GNG2: variants seen among roughly 807,000 people sequenced by gnomAD.
The protein encoded by GNG2 is G protein subunit gamma 2, also known as guanine nucleotide-binding protein G(I)/G(S)/G(O) subunit gamma-2.
In GNG2, 5 loss-of-function variants were observed where a neutral mutation model predicts 5.5. The observed-to-expected ratio is 0.91, with a 90% confidence interval of 0.48 to 1.92. The LOEUF (loss-of-function observed/expected upper bound fraction) is 1.92. Among genes scored for constraint, GNG2 ranks in the 30% most tolerant of loss-of-function variants. The probability of loss-of-function intolerance (pLI) is 0.01; values close to 1 mark genes in which losing one functional copy is unlikely to be tolerated. For missense variants in GNG2, 55 were observed against 88.4 expected, an observed-to-expected ratio of 0.62 and a Z score of 1.52; for synonymous variants, 28 against 32.0, an observed-to-expected ratio of 0.88 and a Z score of 0.42.
At chr14:51,918,540 A>G (rs1886796836) in intron 2 of GNG2, 1 of 152,240 alleles carries the variant, frequency 6.6e-6, no homozygotes, top group Admixed American at 6.5e-5. Context: ...TCCATGAGAG[A>G]ATACTTGCCT....
At chr14:51,939,370 A>C (rs1888188060) in intron 2 of GNG2, among the ~76,000 whole-genome samples, 1 of 152,220 alleles carries the variant, frequency 6.6e-6, no homozygotes, top group Admixed American at 6.5e-5. Flanking sequence ...GGGTTGTTAG[A>C]AACAGCTAAC....
intron 2 of GNG2, among the ~76,000 whole-genome samples, chr14:51,895,050 A>G (rs574187209): frequency 2.0e-5 from 3 of 152,018 alleles, no homozygotes; most frequent in Admixed American, 2.0e-4. Flanking sequence ...ATAGGAAAAA[A>G]AAAACAATGA....
At chr14:51,887,979 T>A (rs1884581309) in intron 2 of GNG2, among the ~76,000 whole-genome samples, 1 of 152,146 alleles carries the variant, frequency 6.6e-6, no homozygotes, top group Admixed American at 6.5e-5. Context: ...CTTTAAAAAA[T>A]TATTTCTTAG....
intron 2 of GNG2, among the ~76,000 whole-genome samples, chr14:51,854,088 G>A (rs1247081638): frequency 1.3e-5 from 2 of 151,998 alleles, no homozygotes; most frequent in African/African-American, 4.8e-5. Flanking sequence ...TGGCCAGGCT[G>A]GTCTCAAACT....
At chr14:51,883,301 A>G (rs1884226586) in intron 2 of GNG2, among the ~76,000 whole-genome samples, 1 of 152,270 alleles carries the variant, frequency 6.6e-6, no homozygotes, top group South Asian at 2.1e-4. Context: ...GGCAACCAGT[A>G]TAGCACTTAA....
chr14:51,951,268 G>T (rs1195423623), intron 3 of GNG2, among the ~76,000 whole-genome samples: 1 of 152,152 alleles, frequency 6.6e-6, no homozygotes, highest in Non-Finnish European at 1.5e-5. Context: ...TCCCTAAGAA[G>T]TCAAACAACA....
chr14:51,839,911 A>G (rs1881438016), intron 2 of GNG2, among the ~76,000 whole-genome samples: 1 of 152,164 alleles, frequency 6.6e-6, no homozygotes, highest in Non-Finnish European at 1.5e-5. Flanking sequence ...ATGTTATTAC[A>G]ACTCTAGGGG....
chr14:51,962,171 G>T (rs78757457), intron 3 of GNG2, among the ~76,000 whole-genome samples: 1,913 of 150,828 alleles, frequency 0.013, 47 homozygotes, highest in African/African-American at 0.044. Flanking sequence ...TGACATGAGG[G>T]TCATTAGAAT....
chr14:51,877,552 A>G (rs1883756805), intron 1 of GNG2, 65 bp from the exon 2 acceptor site: 1 of 450,192 alleles, frequency 2.2e-6, no homozygotes, highest in Non-Finnish European at 4.5e-6. Flanking sequence ...CTACTTATCC[A>G]GCTCTTGTGT....
intron 2 of GNG2, among the ~76,000 whole-genome samples, chr14:51,900,058 G>C (rs4309306): frequency 0.51 from 76,761 of 151,988 alleles, 19,433 homozygotes; most frequent in East Asian, 0.52. Context: ...TATGATAGTT[G>C]TATTTTTAAT....
intron 2 of GNG2, among the ~76,000 whole-genome samples, chr14:51,851,841 G>A (rs545223413): frequency 6.6e-6 from 1 of 152,158 alleles, no homozygotes; most frequent in Non-Finnish European, 1.5e-5. Context: ...TGTGGTTATT[G>A]CTGCCACGTC....
chr14:51,946,078 G>T (rs148691541), intron 2 of GNG2, among the ~76,000 whole-genome samples: 2 of 152,162 alleles, frequency 1.3e-5, no homozygotes, highest in African/African-American at 4.8e-5. Context: ...GCCAATACTT[G>T]TTCTAGAACA....
In GNG2 at chr14:51,945,736, G is replaced by A. The variant is rs933636038; in HGVS notation, c.-29-4914G>A. ...TAAAAAAGAAAAATGAATCAGTGTA[G>A]AGGTCTTCTTTTAGCATAAATGGAG... is the stretch of plus-strand genomic sequence containing the variant. On this transcript the variant is annotated intron_variant, in intron 2 of 3. Transcript: ENST00000556766. Among the ~76,000 whole-genome samples, 3 of 151,982 alleles carry A rather than the reference G, an allele frequency of 2.0e-5. No homozygotes were observed. The East Asian group carries it at 5.8e-4, about 29-fold the overall frequency.
chr14:51,846,849 A>G (rs943938422), intron 2 of GNG2, among the ~76,000 whole-genome samples: 13 of 152,204 alleles, frequency 8.5e-5, no homozygotes, highest in African/African-American at 3.1e-4. Context: ...CTTTTGTGTG[A>G]GAGAAGAAAG....
At chr14:51,893,320 G>A (rs1230626642) in intron 2 of GNG2, among the ~76,000 whole-genome samples, 1 of 152,108 alleles carries the variant, frequency 6.6e-6, no homozygotes, top group East Asian at 1.9e-4. Context: ...ATTTTAATTT[G>A]CATTCCCTTG....
chr14:51,925,619 T>C (rs1887262727), intron 2 of GNG2, among the ~76,000 whole-genome samples: 1 of 152,188 alleles, frequency 6.6e-6, no homozygotes, highest in African/African-American at 2.4e-5. Flanking sequence ...TTTTCTTTTA[T>C]ATTATTTTTT....
At chr14:51,876,620 T>C (rs547922508) in intron 1 of GNG2, among the ~76,000 whole-genome samples, 1 of 152,272 alleles carries the variant, frequency 6.6e-6, no homozygotes, top group African/African-American at 2.4e-5. Flanking sequence ...CTTTTTTTTT[T>C]CTTTTTGCTG....
intron 2 of GNG2, among the ~76,000 whole-genome samples, chr14:51,917,695 T>G (rs1378904868): frequency 2.0e-5 from 3 of 152,140 alleles, no homozygotes; most frequent in African/African-American, 4.8e-5. Flanking sequence ...AAATCTGAAC[T>G]TTGGATCATT....
intron 1 of GNG2, among the ~76,000 whole-genome samples, chr14:51,872,071 C>T (rs1454012871): frequency 1.3e-5 from 2 of 152,172 alleles, no homozygotes; most frequent in African/African-American, 4.8e-5. Flanking sequence ...ACTCTTAAGC[C>T]TGGGTCATAC....
Sources: allele counts gnomAD v4.1 joint callset (sites outside exome capture counted in the v4.1 genomes callset), GRCh38; gene constraint gnomAD v4.1.1; transcripts MANE v1.5; gene names NCBI Gene and HGNC (gene_info 2026-07-23, HGNC 2026-07-21).